Variants in SMIM36 observed in about 807,000 individuals in gnomAD.
SMIM36 encodes small integral membrane protein 36.
At chr17:55,530,155 A>T in the SMIM36 span, among the ~76,000 whole-genome samples, 5 of 152,254 alleles carry the variant, frequency 3.3e-5, no homozygotes, top group Admixed American at 2.6e-4. Context: ...CTCCATGGGG[A>T]TTTGGCAAAA....
At chr17:55,485,942 T>C (rs928944376) in intron 1 of SMIM36, among the ~76,000 whole-genome samples, 1 of 152,182 alleles carries the variant, frequency 6.6e-6, no homozygotes, top group Admixed American at 6.5e-5. Context: ...AATGTTAATT[T>C]CCAAGAGTAG....
At chr17:55,477,990 G>A (rs1909454204) in intron 3 of SMIM36, among the ~76,000 whole-genome samples, 1 of 151,970 alleles carries the variant, frequency 6.6e-6, no homozygotes, top group Admixed American at 6.6e-5. Context: ...AGGGAGATAA[G>A]GCTCTGCCAG....
In SMIM36 at chr17:55,488,532, G is replaced by A. The variant is rs577782517; in HGVS notation, c.*175-8952C>T. Among the ~76,000 whole-genome samples the A allele has an allele frequency of 1.1e-4, 17 of 152,230 alleles. No homozygotes were observed. The East Asian group carries it at 2.9e-3, about 26-fold the overall frequency. On this transcript the variant is annotated intron_variant, in intron 1 of 4. Coordinates refer to ENST00000636752, the Ensembl canonical transcript of SMIM36. Reference sequence around the variant, plus strand: ...CTTTTTGTAGCCACGGGATCATATTGTACATGCTGTTCAGAAGTTTGCTTT... The same window carrying A: ...CTTTTTGTAGCCACGGGATCATATTATACATGCTGTTCAGAAGTTTGCTTT...
At chr17:55,526,710 C>T in the SMIM36 span, among the ~76,000 whole-genome samples, 6 of 152,104 alleles carry the variant, frequency 3.9e-5, no homozygotes, top group Non-Finnish European at 5.9e-5. Context: ...TTCTTTATAT[C>T]ACCAGTGACA....
At chr17:55,523,193 G>T in the SMIM36 span, among the ~76,000 whole-genome samples, 9,407 of 152,114 alleles carry the variant, frequency 0.062, 359 homozygotes, top group African/African-American at 0.11. Context: ...AAGAGGAAAT[G>T]AGACCACACA....
the SMIM36 span, among the ~76,000 whole-genome samples, chr17:55,524,086 C>T: frequency 1.1e-4 from 17 of 152,240 alleles, no homozygotes; most frequent in East Asian, 1.7e-3. Flanking sequence ...ACTCTCCACC[C>T]TCAAGTAGGC....
At chr17:55,467,648 G>A (rs969325861) in intron 3 of SMIM36, among the ~76,000 whole-genome samples, 8 of 152,080 alleles carry the variant, frequency 5.3e-5, no homozygotes, top group East Asian at 1.9e-4. Flanking sequence ...CGCCTGCCAC[G>A]GCCTCCCAAA....
At chr17:55,502,049 C>A (rs1909997622) in intron 1 of SMIM36, among the ~76,000 whole-genome samples, 1 of 151,924 alleles carries the variant, frequency 6.6e-6, no homozygotes, top group South Asian at 2.1e-4. Flanking sequence ...GAGACTATAT[C>A]CCACACCTGG....
intron 4 of SMIM36, among the ~76,000 whole-genome samples, chr17:55,458,638 A>C (rs1909076063): frequency 6.7e-6 from 1 of 148,476 alleles, no homozygotes; most frequent in Non-Finnish European, 1.5e-5. Context: ...CGTCGGCTGA[A>C]GAAGACACAA....
At position 55,473,560 on chromosome 17, in the gene SMIM36, A is replaced by G. The variant is rs1909377552; in HGVS notation, c.*347+5202T>C. Among the ~76,000 whole-genome samples, 3 of 152,200 alleles carry G rather than the reference A, an allele frequency of 2.0e-5. No individual in the cohort carries two copies. In the South Asian group the frequency reaches 6.2e-4, roughly 32 times the overall value. ...TTTTCAGGCTCTTGGTATTCAGTGG[A>G]ACCTTCCTACTCCTTACCGTCCTCA... On this transcript the variant is annotated intron_variant, in intron 3 of 4. Coordinates refer to ENST00000636752, the Ensembl canonical transcript of SMIM36.
chr17:55,501,963 G>C (rs1283492660), intron 1 of SMIM36, among the ~76,000 whole-genome samples: 144 of 148,814 alleles, frequency 9.7e-4, no homozygotes, highest in Non-Finnish European at 2.0e-3. Context: ...AAGGGGTGAC[G>C]GACGCACCTG....
chr17:55,497,275 A>AT (rs1042416597), intron 1 of SMIM36, among the ~76,000 whole-genome samples: 1 of 151,634 alleles, frequency 6.6e-6, no homozygotes, highest in Admixed American at 6.6e-5. Context: ...TTTATTATTT[A>AT]TTTTTTGAAA....
the SMIM36 span, among the ~76,000 whole-genome samples, chr17:55,517,518 G>A: frequency 2.6e-5 from 4 of 152,192 alleles, no homozygotes; most frequent in Admixed American, 6.5e-5. Context: ...AGCTGAGATC[G>A]TGCCACTGCA....
At chr17:55,492,247 T>TC (rs1567868638) in intron 1 of SMIM36, among the ~76,000 whole-genome samples, 2 of 136,184 alleles carry the variant, frequency 1.5e-5, no homozygotes, top group African/African-American at 5.7e-5. Flanking sequence ...TCTTTCTTTT[T>TC]TTTTTTTTTT....
chr17:55,470,421 G>A (rs888571367), intron 3 of SMIM36, among the ~76,000 whole-genome samples: 1 of 152,050 alleles, frequency 6.6e-6, no homozygotes, highest in African/African-American at 2.4e-5. Context: ...CGATACAGAG[G>A]CTGCCCACTC....
chr17:55,512,400 T>A (rs1480784719), upstream of SMIM36, among the ~76,000 whole-genome samples: 1 of 152,204 alleles, frequency 6.6e-6, no homozygotes, highest in Admixed American at 6.5e-5. Context: ...CCTAGAGCAA[T>A]GGGATGCCAT....
intron 1 of SMIM36, among the ~76,000 whole-genome samples, chr17:55,495,172 A>G (rs1909786585): frequency 6.6e-6 from 1 of 152,200 alleles, no homozygotes; most frequent in East Asian, 1.9e-4. Flanking sequence ...TTGCATGTTT[A>G]CCGGACCTCC....
chr17:55,501,280 T>TA (rs1909952121), intron 1 of SMIM36, among the ~76,000 whole-genome samples: 2 of 91,528 alleles, frequency 2.2e-5, no homozygotes, highest in Admixed American at 1.9e-4. Context: ...TATTATATTA[T>TA]ATATTATATT....
rs193051975 is a variant in SMIM36 at position 55,509,616 on chromosome 17, T to A, written c.*174+1263A>T. 5.3e-5 allele frequency among the ~76,000 whole-genome samples: 8 copies of A among 152,332 alleles called. 1 individual carries two copies. Among genetic ancestry groups the A allele is most frequent in the Admixed American group, 4.6e-4 (7 of 15,296 alleles). On this transcript the variant is annotated intron_variant, in intron 1 of 4. Coordinates refer to ENST00000636752, the Ensembl canonical transcript of SMIM36. ...TAAGTCATGCCTGACCCTGCTTCCT[T>A]CTGTTGGGCGGCAAAGATCATATGG...
Sources: allele counts gnomAD v4.1 joint callset (sites outside exome capture counted in the v4.1 genomes callset), GRCh38; gene constraint gnomAD v4.1.1; transcripts MANE v1.5; gene names NCBI Gene and HGNC (gene_info 2026-07-23, HGNC 2026-07-21).